The following C12orf50 variants were observed in gnomAD, a reference collection of about 807,000 sequenced individuals.
The protein encoded by C12orf50 is uncharacterized protein C12orf50.
Under a neutral mutation model 61.6 loss-of-function variants are expected in C12orf50, and 35 were observed. That is an observed-to-expected ratio of 0.57 (90% confidence interval 0.43 to 0.75). The LOEUF (loss-of-function observed/expected upper bound fraction) is 0.75, where lower values mean the gene tolerates loss of function less well. Ranked by LOEUF, C12orf50 falls within the 30% of genes least tolerant of loss-of-function variation. C12orf50 has a pLI of 0.00. For missense variants in C12orf50, 475 were observed against 488.5 expected (o/e 0.97, Z 0.26); for synonymous variants, 178 against 161.5 (o/e 1.10, Z -0.77).
At chr12:87,995,845 GATGTTCATCC>G (rs1165746025) in intron 6 of C12orf50, among the ~76,000 whole-genome samples, 1 of 152,164 alleles carries the variant, frequency 6.6e-6, no homozygotes, top group Non-Finnish European at 1.5e-5. Context: ...ACATATTGCA[GATGTTCATCC>G]ACAGTAAATC....
chr12:87,989,334 A>G lies in C12orf50; in HGVS notation c.630T>C (p.Leu210=), dbSNP rs1367303341. The change falls in exon 8 of 13, where the codon CTT becomes CTC. Residue 210 remains leucine, a synonymous_variant. Transcript: ENST00000298699. ...TTAAAGCTTCACTTTCATCGACTCCAAGAAATATGACCCTCTGTGGAACAT... is the reference window on the plus strand; with the variant it reads ...TTAAAGCTTCACTTTCATCGACTCCGAGAAATATGACCCTCTGTGGAACAT... ...DCYVPQRVIF[L]GVDESEALTE... 6.2e-7 allele frequency: 1 copy of G among 1,611,926 alleles called. No individual in the cohort carries two copies. The highest frequency in any genetic ancestry group is 8.5e-7 in the Non-Finnish European group (1 of 1,178,804).
chr12:88,010,428 TA>T (rs2032057976), intron 3 of C12orf50, among the ~76,000 whole-genome samples: 1 of 127,280 alleles, frequency 7.9e-6, no homozygotes, highest in African/African-American at 4.2e-5. Context: ...TTAAAATTAT[TA>T]TAATCTTATA....
chr12:87,986,118 A>G, intron 10 of C12orf50, 65 bp from the exon 11 acceptor site: 2 of 1,511,044 alleles, frequency 1.3e-6, no homozygotes, highest in African/African-American at 1.4e-5. Context: ...TAAATAACAT[A>G]TTGCACTGCA....
Position 87,985,977 on chromosome 12 carries a change from G to T in C12orf50, c.999C>A (p.Ser333=), listed in dbSNP as rs762433685. Residue 333 remains serine, a synonymous_variant, in exon 11 of 13, where the codon TCC becomes TCA. Coordinates refer to ENST00000298699, the MANE Select transcript of C12orf50 (RefSeq NM_152589.3). The stretch of plus-strand genomic sequence containing the variant: ...CAGCATCTCTTTGAACGTGGATATA[G>T]GATGCATTCTCCGCATTTCGATTTT... ...NNKNRNAENA[S]YIHVQRDAVR... is the part of the protein sequence containing the mutation. 13 of 1,613,830 alleles carry T rather than the reference G, an allele frequency of 8.1e-6. No homozygotes were observed. The highest frequency in any genetic ancestry group is 2.5e-6 in the Non-Finnish European group (3 of 1,179,902).
At chr12:88,019,118 A>C (rs2032420220) in intron 3 of C12orf50, among the ~76,000 whole-genome samples, 1 of 152,020 alleles carries the variant, frequency 6.6e-6, no homozygotes, top group Non-Finnish European at 1.5e-5. Flanking sequence ...CCCCACCCAA[A>C]TCTCATCTTG....
intron 7 of C12orf50, among the ~76,000 whole-genome samples, chr12:87,991,607 G>C (rs2031124477): frequency 6.6e-6 from 1 of 152,056 alleles, no homozygotes; most frequent in Non-Finnish European, 1.5e-5. Context: ...CCAGACAAAA[G>C]AGAAAGTCAA....
At chr12:87,987,745 A>T in intron 9 of C12orf50, 105 bp downstream of exon 9, 1 of 764,374 alleles carries the variant, frequency 1.3e-6, no homozygotes, top group South Asian at 1.7e-5. Flanking sequence ...ATAATTTTTA[A>T]ACCTTTTTTC....
chr12:87,994,609 T>C (rs2031296410), intron 7 of C12orf50, 24 bp downstream of exon 7: 1 of 1,445,032 alleles, frequency 6.9e-7, no homozygotes, highest in Non-Finnish European at 9.7e-7. Context: ...ATATTCAGGG[T>C]CAATCAGTAA....
At chr12:87,989,771 G>T (rs1300434185) in intron 7 of C12orf50, among the ~76,000 whole-genome samples, 1 of 151,974 alleles carries the variant, frequency 6.6e-6, no homozygotes, top group Non-Finnish European at 1.5e-5. Flanking sequence ...ATCCATAGTT[G>T]CTTTAAATGT....
chr12:88,005,917 T>G (rs1369280232), intron 3 of C12orf50, among the ~76,000 whole-genome samples: 12 of 140,236 alleles, frequency 8.6e-5, no homozygotes, highest in Admixed American at 2.8e-4. Context: ...TTTTGGTTTT[T>G]TTTTTTTTTT....
rs764331846 is a variant in C12orf50, at chr12:87,987,955, T to C, written c.712A>G (p.Ser238Gly). The change falls in exon 9 of 13, where the codon AGT becomes GGT. Residue 238 changes from serine to glycine, a missense_variant. Coordinates refer to ENST00000298699, the MANE Select transcript of C12orf50 (RefSeq NM_152589.3). Reference protein sequence around the residue: ...KCSNTKDNKDSPHPKHSLTTR... With the variant: ...KCSNTKDNKDGPHPKHSLTTR... ...GTTAGGGAATGCTTTGGATGAGGAC[T>C]GTCCTTGTTATCTTTTAAAGCAAAT... is the stretch of plus-strand genomic sequence containing the variant. 1.9e-6 allele frequency: 3 copies of C among 1,593,642 alleles called. No individual in the cohort carries two copies. The highest frequency in any genetic ancestry group is 1.3e-5 in the African/African-American group (1 of 74,422).
chr12:88,024,366 A>G (rs1255539620), intron 3 of C12orf50, among the ~76,000 whole-genome samples: 2 of 152,224 alleles, frequency 1.3e-5, no homozygotes, highest in African/African-American at 4.8e-5. Flanking sequence ...TAGCAAAGAC[A>G]TGAAATTAAC....
intron 6 of C12orf50, among the ~76,000 whole-genome samples, chr12:87,996,027 G>A: frequency 6.6e-6 from 1 of 151,996 alleles, no homozygotes; most frequent in East Asian, 1.9e-4. Context: ...TTCTTCTTGG[G>A]CTAGTCTTAC....
intron 3 of C12orf50, among the ~76,000 whole-genome samples, chr12:88,014,415 CCTCAGCCTCCTGA>C (rs1222725975): frequency 6.6e-6 from 1 of 152,126 alleles, no homozygotes; most frequent in African/African-American, 2.4e-5. Flanking sequence ...CATTCTCCTG[CCTCAGCCTCCTGA>C]GTAGCTGGGA....
chr12:87,995,517 A>T (rs1490492747), intron 6 of C12orf50, among the ~76,000 whole-genome samples: 1 of 152,210 alleles, frequency 6.6e-6, no homozygotes, highest in African/African-American at 2.4e-5. Context: ...TAAAATGCTA[A>T]CGTTTGAAGG....
chr12:88,014,858 C>T (rs2032252686), intron 3 of C12orf50, among the ~76,000 whole-genome samples: 1 of 152,182 alleles, frequency 6.6e-6, no homozygotes, highest in African/African-American at 2.4e-5. Context: ...ATTTTCTAAT[C>T]TCTTATAACT....
intron 3 of C12orf50, among the ~76,000 whole-genome samples, chr12:88,010,312 T>C (rs935218603): frequency 1.4e-4 from 21 of 151,932 alleles, no homozygotes; most frequent in Middle Eastern, 6.8e-3. Flanking sequence ...TGCACTTCCA[T>C]GTAAGTCTTA....
Position 87,996,369 on chromosome 12 carries a change from C to T in C12orf50, c.481+5G>A, listed in dbSNP as rs960521099. On this transcript the variant is annotated splice_donor_5th_base_variant and intron_variant, in intron 6 of 12. Transcript: ENST00000298699. The stretch of plus-strand genomic sequence containing the variant: ...CACTATGAATGCTGCCTTTTCATTT[C>T]TTACCTTCTTGCAATTCACTGCCAT... 1.3e-6 allele frequency: 2 copies of T among 1,581,040 alleles called. No homozygotes were observed. Among genetic ancestry groups the T allele is most frequent in the Non-Finnish European group, 1.7e-6 (2 of 1,150,824 alleles).
intron 11 of C12orf50, chr12:87,983,768 A>G (rs1314653531): frequency 7.0e-6 from 1 of 143,570 alleles, no homozygotes; most frequent in Non-Finnish European, 1.5e-5. Flanking sequence ...TATGTGCCAC[A>G]TTTTCTTAAT....
Sources: gnomAD v4.1 joint callset for allele counts (sites outside exome capture counted in the v4.1 genomes callset) on GRCh38, gnomAD v4.1.1 for gene constraint, MANE v1.5 for transcripts, NCBI Gene and HGNC (gene_info 2026-07-23, HGNC 2026-07-21) for gene names.